Variants in FARS2 observed in about 807,000 individuals in gnomAD.
FARS2 encodes phenylalanine--tRNA ligase, mitochondrial.
Under a neutral mutation model 46.4 loss-of-function variants are expected in FARS2, and 40 were observed. That is an observed-to-expected ratio of 0.86 (90% CI 0.67 to 1.12). The LOEUF (loss-of-function observed/expected upper bound fraction) is 1.12, where lower values mean the gene tolerates loss of function less well. FARS2 is among the 50% of genes most tolerant of loss of function. The probability of loss-of-function intolerance (pLI) is 0.00; values close to 1 mark genes in which losing one functional copy is unlikely to be tolerated. For missense variants in FARS2, 513 were observed against 567.9 expected, an observed-to-expected ratio of 0.90 and a Z score of 0.98; for synonymous variants, 234 against 214.9, an observed-to-expected ratio of 1.09 and a Z score of -0.78.
upstream of FARS2, among the ~76,000 whole-genome samples, chr6:5,259,136 C>A (rs1278449244): frequency 6.6e-6 from 1 of 152,202 alleles, no homozygotes; most frequent in Non-Finnish European, 1.5e-5. Flanking sequence ...CTCACATAAA[C>A]CCTCTCCCTG....
intron 6 of FARS2, among the ~76,000 whole-genome samples, chr6:5,682,087 AC>A (rs1449146076): frequency 1.3e-5 from 2 of 152,210 alleles, no homozygotes; most frequent in African/African-American, 4.8e-5. Flanking sequence ...CTCTCAGTGA[AC>A]TTTTAGTAAC....
At chr6:5,704,391 T>A (rs1386409948) in intron 6 of FARS2, among the ~76,000 whole-genome samples, 1 of 152,154 alleles carries the variant, frequency 6.6e-6, no homozygotes, top group Non-Finnish European at 1.5e-5. Context: ...ACCATCATCT[T>A]GGGGGTTAGG....
intron 6 of FARS2, among the ~76,000 whole-genome samples, chr6:5,740,633 A>G (rs996585793): frequency 3.3e-5 from 5 of 152,110 alleles, no homozygotes; most frequent in Non-Finnish European, 5.9e-5. Context: ...CCGATTGCTC[A>G]CCGCTTACCT....
chr6:5,337,649 C>T (rs563159800), intron 1 of FARS2, among the ~76,000 whole-genome samples: 2 of 152,012 alleles, frequency 1.3e-5, no homozygotes, highest in African/African-American at 2.4e-5. Context: ...AAGTTAATTC[C>T]CTTCACCAAG....
intron 1 of FARS2, among the ~76,000 whole-genome samples, chr6:5,329,797 T>G (rs62386863): frequency 0.22 from 33,989 of 152,180 alleles, 4,668 homozygotes; most frequent in East Asian, 0.3. Context: ...GCCTCCATGC[T>G]GTCTCCTGGC....
intron 4 of FARS2, among the ~76,000 whole-genome samples, chr6:5,449,091 G>A (rs1347405361): frequency 1.3e-5 from 2 of 152,210 alleles, no homozygotes; most frequent in Non-Finnish European, 2.9e-5. Context: ...GCTCACGCCT[G>A]TAATCCTAGC....
intron 6 of FARS2, among the ~76,000 whole-genome samples, chr6:5,723,377 G>GACT (rs1760035677): frequency 3.4e-5 from 5 of 148,254 alleles, no homozygotes; most frequent in African/African-American, 1.3e-4. Context: ...CATGGGAAAA[G>GACT]GCTGCTGGAT....
At chr6:5,288,631 G>A (rs1767292763) in intron 1 of FARS2, among the ~76,000 whole-genome samples, 1 of 152,170 alleles carries the variant, frequency 6.6e-6, no homozygotes, top group South Asian at 2.1e-4. Context: ...GTATATGTAC[G>A]TGCTGGGCAC....
At position 5,554,071 on chromosome 6, in the gene FARS2, G is replaced by A. The variant is rs1013004610; in HGVS notation, c.1065+8731G>A. On this transcript the variant is annotated intron_variant, in intron 5 of 6. Transcript: ENST00000274680. Reference sequence around the variant, plus strand: ...TCTTGAAACTATTTTCTTTCTTTTTGCCCTAAATTTTTTTTCCATGGATTT... The same window carrying A: ...TCTTGAAACTATTTTCTTTCTTTTTACCCTAAATTTTTTTTCCATGGATTT... Among the ~76,000 whole-genome samples the A allele has an allele frequency of 4.0e-5, 6 of 151,856 alleles. No homozygotes were observed. The East Asian group carries it at 1.2e-3, about 29-fold the overall frequency.
At chr6:5,319,028 T>C (rs1769774629) in intron 1 of FARS2, among the ~76,000 whole-genome samples, 1 of 152,106 alleles carries the variant, frequency 6.6e-6, no homozygotes, top group African/African-American at 2.4e-5. Flanking sequence ...TCCTTATGGT[T>C]GGGAATTCTG....
rs145333276 is a variant in FARS2 at position 5,680,172 on chromosome 6, T to C, written c.1217+66852T>C. Among the ~76,000 whole-genome samples the C allele has an allele frequency of 5.3e-5, 8 of 152,314 alleles. No individual in the cohort carries two copies. In the East Asian group the frequency reaches 1.5e-3, roughly 29 times the overall value. On this transcript the variant is annotated intron_variant, in intron 6 of 6. Transcript: ENST00000274680. ...GTCTTGATGAAGGCATTAGAAACAA[T>C]GCTTATGCTCAGAGCACTTGTGTGT...
At chr6:5,355,959 T>A (rs1213639650) in intron 1 of FARS2, among the ~76,000 whole-genome samples, 1 of 152,172 alleles carries the variant, frequency 6.6e-6, no homozygotes, top group East Asian at 1.9e-4. Flanking sequence ...GGCGCTTTCA[T>A]GGGCATTTAC....
At chr6:5,589,139 C>T (rs1773779492) in intron 5 of FARS2, among the ~76,000 whole-genome samples, 1 of 152,200 alleles carries the variant, frequency 6.6e-6, no homozygotes, top group Admixed American at 6.5e-5. Flanking sequence ...GTCACACAGC[C>T]TGGTCCATAG....
chr6:5,344,100 T>C (rs1482390461), intron 1 of FARS2, among the ~76,000 whole-genome samples: 5 of 152,184 alleles, frequency 3.3e-5, no homozygotes, highest in African/African-American at 1.2e-4. Flanking sequence ...CAGAAGTCAC[T>C]GCATTCGATG....
intron 1 of FARS2, among the ~76,000 whole-genome samples, chr6:5,361,621 G>T (rs1758309055): frequency 6.6e-6 from 1 of 152,200 alleles, no homozygotes; most frequent in South Asian, 2.1e-4. Flanking sequence ...TGTATCAGTA[G>T]AAGTTAATGG....
At chr6:5,740,321 G>C (rs1761252138) in intron 6 of FARS2, among the ~76,000 whole-genome samples, 1 of 152,132 alleles carries the variant, frequency 6.6e-6, no homozygotes, top group African/African-American at 2.4e-5. Context: ...TTCGAAATAA[G>C]TTTTTTGGGA....
chr6:5,498,483 A>G (rs556936728), intron 4 of FARS2, among the ~76,000 whole-genome samples: 5 of 152,280 alleles, frequency 3.3e-5, no homozygotes, highest in African/African-American at 1.2e-4. Flanking sequence ...TCTCCTCTAG[A>G]GTTTAAGTTG....
chr6:5,691,536 T>C (rs1215123861), intron 6 of FARS2, among the ~76,000 whole-genome samples: 1 of 152,150 alleles, frequency 6.6e-6, no homozygotes, highest in Non-Finnish European at 1.5e-5. Flanking sequence ...TGCTGCCTGA[T>C]CGTTCCTCTG....
At chr6:5,474,138 A>T (rs928395593) in intron 4 of FARS2, among the ~76,000 whole-genome samples, 1 of 152,220 alleles carries the variant, frequency 6.6e-6, no homozygotes, top group Non-Finnish European at 1.5e-5. Context: ...TTCTCGAGCC[A>T]TCATCACATT....
Sources: gnomAD v4.1 joint callset for allele counts (sites outside exome capture counted in the v4.1 genomes callset) on GRCh38, gnomAD v4.1.1 for gene constraint, MANE v1.5 for transcripts, NCBI Gene and HGNC (gene_info 2026-07-23, HGNC 2026-07-21) for gene names.